The following SEC62 variants were observed in gnomAD, a reference collection of about 807,000 sequenced individuals.
SEC62 encodes translocation protein SEC62.
A neutral mutation model predicts 47.5 loss-of-function variants in SEC62; 10 were observed. That is an observed-to-expected ratio of 0.21 (90% confidence interval 0.13 to 0.36). SEC62 has a LOEUF of 0.36. SEC62 is among the 10% of genes least tolerant of loss of function. The probability of loss-of-function intolerance (pLI) is 1.00; values close to 1 mark genes in which losing one functional copy is unlikely to be tolerated. For missense variants in SEC62, 327 were observed against 464.1 expected, an observed-to-expected ratio of 0.70 and a Z score of 2.71; for synonymous variants, 136 against 150.5, an observed-to-expected ratio of 0.90 and a Z score of 0.71.
At chr3:169,984,828 T>A (rs1715062294) in intron 5 of SEC62, among the ~76,000 whole-genome samples, 1 of 151,596 alleles carries the variant, frequency 6.6e-6, no homozygotes, top group African/African-American at 2.4e-5. Flanking sequence ...GAGGGAAGAG[T>A]ACTGTTATTT....
rs1200327109 is a variant in SEC62, at chr3:169,992,599, T to C, written c.736T>C (p.Cys246Arg). 1 of 1,610,714 alleles carries C rather than the reference T, an allele frequency of 6.2e-7. No homozygotes were observed. Among genetic ancestry groups the C allele is most frequent in the Non-Finnish European group, 8.5e-7 (1 of 1,178,786 alleles). ...ASILLLAVAR[C>R]ILFLIIWLIT... ...AGAAATTTTTCTCCCCACAGCTCGA[T>C]GCATTCTATTTCTCATCATTTGGCT... is the stretch of plus-strand genomic sequence containing the variant. The change falls in exon 8 of 8, where the codon TGC becomes CGC. Residue 246 changes from cysteine to arginine, a missense_variant. Cys to Arg is a radical substitution (Grantham distance 180, BLOSUM62 -3). This residue lies in a region of SEC62 where 99 missense variants were observed against 194.0 expected (regional missense o/e 0.51). Transcript: ENST00000337002. The surrounding 1 kb of genome is among the most constrained non-coding windows in gnomAD (Gnocchi z 4.0).
At chr3:169,987,290 A>G (rs1472770585) in intron 6 of SEC62, among the ~76,000 whole-genome samples, 2 of 152,090 alleles carry the variant, frequency 1.3e-5, no homozygotes, top group African/African-American at 2.4e-5. Flanking sequence ...GTGGTGGTTC[A>G]CACCTGTAGT....
chr3:169,981,595 CAG>C lies in SEC62; in HGVS notation c.252-1110_252-1109del, dbSNP rs1293094682. Reference sequence around the variant, plus strand: ...TCAAAGCAGGAATGGAGAAACCAATCAGAAATTCTGAAACTAGAACATGAGAT... The same window carrying C: ...TCAAAGCAGGAATGGAGAAACCAATCAAATTCTGAAACTAGAACATGAGAT... On this transcript the variant is annotated intron_variant, in intron 3 of 7. Coordinates refer to ENST00000337002, the MANE Select transcript of SEC62 (RefSeq NM_003262.4). Among the ~76,000 whole-genome samples, 9 of 152,250 alleles carry C rather than the reference CAG, an allele frequency of 5.9e-5. 1 individual carries two copies. In the South Asian group the frequency reaches 1.9e-3, roughly 32 times the overall value.
At position 169,993,222 on chromosome 3, in the gene SEC62, A is replaced by G; in HGVS notation, c.*159A>G. On this transcript the variant is annotated 3_prime_UTR_variant, in exon 8 of 8. Coordinates refer to ENST00000337002, the MANE Select transcript of SEC62 (RefSeq NM_003262.4). ...AGTTATATTCGGTCCTTCATTTTAT[A>G]GAATATTGGCACTATTATTGGTACA... 1 of 612,790 alleles carries G rather than the reference A, an allele frequency of 1.6e-6. No homozygotes were observed. The highest frequency in any genetic ancestry group is 2.8e-6 in the Non-Finnish European group (1 of 352,640). The allele number at this position is 612,790 out of a possible 1,614,324, so 38.0% of individuals were successfully genotyped here. A position where few individuals can be genotyped will look rare whatever the true frequency, so the allele number is the denominator to read the frequency against.
Position 169,994,975 on chromosome 3 carries a change from G to A in SEC62, c.*1912G>A, listed in dbSNP as rs1196466985. On this transcript the variant is annotated 3_prime_UTR_variant, in exon 8 of 8. Coordinates refer to ENST00000337002, the MANE Select transcript of SEC62 (RefSeq NM_003262.4). ...TATAAATATTTGGTGATCCCTGGGG[G>A]GAAATATCATTCTTACTATGGTTAG... 6.6e-6 allele frequency: 1 copy of A among 152,058 alleles called. No individual in the cohort carries two copies. The highest frequency in any genetic ancestry group is 1.5e-5 in the Non-Finnish European group (1 of 67,982). The allele number at this position is 152,058 out of a possible 1,614,324, so 9.4% of individuals were successfully genotyped here. A position where few individuals can be genotyped will look rare whatever the true frequency, so the allele number is the denominator to read the frequency against.
chr3:169,984,798 T>G (rs1290479311), intron 5 of SEC62, among the ~76,000 whole-genome samples: 1 of 152,062 alleles, frequency 6.6e-6, no homozygotes, highest in Non-Finnish European at 1.5e-5. Flanking sequence ...AATAAAGAGT[T>G]CTGGTCAATA....
chr3:169,991,064 CTAAA>C (rs1715237666), intron 7 of SEC62, among the ~76,000 whole-genome samples: 1 of 152,082 alleles, frequency 6.6e-6, no homozygotes, highest in Non-Finnish European at 1.5e-5. Flanking sequence ...TCAGAGAAAA[CTAAA>C]TATTGGGGTT....
At chr3:169,966,947 A>G (rs1714541307) in intron 1 of SEC62, 89 bp downstream of exon 1, 1 of 535,034 alleles carries the variant, frequency 1.9e-6, no homozygotes, top group Admixed American at 3.0e-5. Context: ...GAGCGAAAGC[A>G]AGGGCGAGGT....
At chr3:169,973,197 C>G (rs1289975214) in intron 1 of SEC62, among the ~76,000 whole-genome samples, 1 of 152,126 alleles carries the variant, frequency 6.6e-6, no homozygotes, top group African/African-American at 2.4e-5. Context: ...ATGCCTGATA[C>G]TAACATATAT....
chr3:169,996,894 GTTTC>G lies in SEC62; in HGVS notation c.*3834_*3837del, dbSNP rs1715390667. On this transcript the variant is annotated 3_prime_UTR_variant, in exon 8 of 8. Coordinates refer to ENST00000337002, the MANE Select transcript of SEC62 (RefSeq NM_003262.4). ...AATATCTTCATGTAAAGAACCATCTGTTTCTTATTGGAATCAAGACCAATACCAA... is the reference window on the plus strand; with the variant it reads ...AATATCTTCATGTAAAGAACCATCTGTTATTGGAATCAAGACCAATACCAA... 1 of 152,140 alleles carries G rather than the reference GTTTC, an allele frequency of 6.6e-6. No individual in the cohort carries two copies. Among genetic ancestry groups the G allele is most frequent in the African/African-American group, 2.4e-5 (1 of 41,440 alleles). The allele number at this position is 152,140 out of a possible 1,614,324, so 9.4% of individuals were successfully genotyped here.
chr3:169,982,977 A>T, intron 4 of SEC62, 66 bp downstream of exon 4: 9 of 1,533,312 alleles, frequency 5.9e-6, no homozygotes, highest in Non-Finnish European at 7.8e-6. Flanking sequence ...CTACTGGCCT[A>T]TGAGCACATT....
intron 1 of SEC62, among the ~76,000 whole-genome samples, chr3:169,968,182 G>A (rs1401214034): frequency 6.6e-6 from 1 of 152,114 alleles, no homozygotes; most frequent in Non-Finnish European, 1.5e-5. Context: ...TGGGTATACA[G>A]TATTTTATTA....
chr3:169,984,692 T>A (rs1300635966), intron 5 of SEC62, among the ~76,000 whole-genome samples: 1 of 152,156 alleles, frequency 6.6e-6, no homozygotes, highest in African/African-American at 2.4e-5. Context: ...AGAAGTAATA[T>A]CTGTGAATCT....
chr3:169,991,924 G>C (rs1361917700), intron 7 of SEC62, among the ~76,000 whole-genome samples: 1 of 152,098 alleles, frequency 6.6e-6, no homozygotes, highest in African/African-American at 2.4e-5. Flanking sequence ...TTTTATTCGT[G>C]TTTATACAGA....
At chr3:169,971,854 A>G (rs1055282869) in intron 1 of SEC62, among the ~76,000 whole-genome samples, 1 of 152,210 alleles carries the variant, frequency 6.6e-6, no homozygotes, top group Non-Finnish European at 1.5e-5. Context: ...GTATGAGTAT[A>G]TTTGTATCAT....
At chr3:169,981,018 T>TA (rs1168325267) in intron 3 of SEC62, among the ~76,000 whole-genome samples, 7 of 152,058 alleles carry the variant, frequency 4.6e-5, no homozygotes, top group Non-Finnish European at 2.9e-5. Flanking sequence ...CATTCTGGAG[T>TA]AAAAAATGTA....
intron 1 of SEC62, chr3:169,969,325 C>T (rs1714635578): frequency 2.2e-6 from 1 of 456,594 alleles, no homozygotes. Flanking sequence ...AAGTTTCTAG[C>T]AAGAGGACTG....
At position 169,983,256 on chromosome 3, in the gene SEC62, G is replaced by A. The variant is rs747877022; in HGVS notation, c.549+3G>A. On this transcript the variant is annotated splice_donor_region_variant and intron_variant, in intron 5 of 7. Coordinates refer to ENST00000337002, the MANE Select transcript of SEC62 (RefSeq NM_003262.4). ...AGGTTTTTCTGGATGGAAATGAGGT[G>A]AGAGTAAGCCTATAACTAGAAGTTC... 1 of 1,604,438 alleles carries A rather than the reference G, an allele frequency of 6.2e-7. No individual in the cohort carries two copies. Among genetic ancestry groups the A allele is most frequent in the Admixed American group, 1.7e-5 (1 of 59,516 alleles).
Position 169,992,931 on chromosome 3 carries a change from T to C in SEC62, c.1068T>C (p.Ser356=). 1 of 1,613,572 alleles carries C rather than the reference T, an allele frequency of 6.2e-7. No homozygotes were observed. Among genetic ancestry groups the C allele is most frequent in the South Asian group, 1.1e-5 (1 of 91,038 alleles). Residue 356 remains serine (S), a synonymous_variant, in exon 8 of 8, where the codon AGT becomes AGC. Coordinates refer to ENST00000337002, the MANE Select transcript of SEC62 (RefSeq NM_003262.4). This position sits in a 1 kb window ranked among gnomAD's most constrained non-coding sequence, Gnocchi z 4.0. ...GGGAAGATGATCGATCCCAGCACAG[T>C]AGTGGAAATGGAAATGATTTTGAAA... The part of the protein sequence containing the change: ...DRREDDRSQH[S]SGNGNDFEMI...
Sources: allele counts gnomAD v4.1 joint callset (sites outside exome capture counted in the v4.1 genomes callset), GRCh38; gene constraint gnomAD v4.1.1; regional missense constraint gnomAD v4.1.1; non-coding constraint Gnocchi (gnomAD v3.1); transcripts MANE v1.5; gene names NCBI Gene and HGNC (gene_info 2026-07-23, HGNC 2026-07-21).